TM9SF2: variants seen among roughly 807,000 people sequenced by gnomAD.
TM9SF2 encodes the protein transmembrane 9 superfamily member 2.
A neutral mutation model predicts 84.9 loss-of-function variants in TM9SF2; 13 were observed. The observed-to-expected ratio is 0.15, with a 90% CI of 0.10 to 0.24. The LOEUF is 0.24. Among genes scored for constraint, TM9SF2 ranks in the 10% least tolerant of loss-of-function variants. The pLI, the probability that TM9SF2 is intolerant of heterozygous loss-of-function variation, is 1.00. For synonymous variants in TM9SF2, 273 were observed against 285.8 expected, an observed-to-expected ratio of 0.96 and a Z score of 0.45; for missense variants, 562 against 818.5, an observed-to-expected ratio of 0.69 and a Z score of 3.82.
At position 99,555,658 on chromosome 13, in the gene TM9SF2, G is replaced by T; in HGVS notation, c.1752+11G>T. The T allele has an allele frequency of 3.2e-6, 5 of 1,569,796 alleles. No individual in the cohort carries two copies. The highest frequency in any genetic ancestry group is 4.4e-6 in the Non-Finnish European group (5 of 1,143,508). Reference sequence around the variant, plus strand: ...CACCTATGTGCAGAGGTATGTATTAGCAGTATTCACTTATGTTAATTTGTA... The same window carrying T: ...CACCTATGTGCAGAGGTATGTATTATCAGTATTCACTTATGTTAATTTGTA... On this transcript the variant is annotated intron_variant, in intron 15 of 16. Transcript: ENST00000376387.
chr13:99,528,388 A>G (rs901908499), intron 3 of TM9SF2, among the ~76,000 whole-genome samples: 2 of 152,220 alleles, frequency 1.3e-5, no homozygotes, highest in Non-Finnish European at 2.9e-5. Flanking sequence ...CTTGATATAT[A>G]CAAAGTACAT....
At chr13:99,525,776 C>T (rs1013762758) in intron 3 of TM9SF2, among the ~76,000 whole-genome samples, 11 of 151,388 alleles carry the variant, frequency 7.3e-5, no homozygotes, top group African/African-American at 2.4e-4. Context: ...AGGATGATCT[C>T]GATCTCCGGA....
chr13:99,522,103 C>T (rs1281057810), intron 3 of TM9SF2, among the ~76,000 whole-genome samples: 1 of 152,184 alleles, frequency 6.6e-6, no homozygotes, highest in Non-Finnish European at 1.5e-5. Flanking sequence ...TCACTGTAAC[C>T]TCCGCCTCCT....
Position 99,552,309 on chromosome 13 carries a change from T to G in TM9SF2, c.1471T>G (p.Phe491Val). ...SVPLTFIGAY[F>V]GFKKNAIEHP... ...GCCTCTGACGTTTATTGGTGCATAC[T>G]TTGGTTTTAAGAAGAATGTAAGTTT... is the stretch of plus-strand genomic sequence containing the variant. The change falls in exon 13 of 17, where the codon TTT becomes GTT. Residue 491 changes from phenylalanine (F) to valine (V), a missense_variant. Physicochemically the swap from Phe to Val is conservative, Grantham distance 50. Coordinates refer to ENST00000376387, the MANE Select transcript of TM9SF2 (RefSeq NM_004800.3). 1 of 1,613,336 alleles carries G rather than the reference T, an allele frequency of 6.2e-7. No homozygotes were observed. The highest frequency in any genetic ancestry group is 1.1e-5 in the South Asian group (1 of 90,792).
chr13:99,557,072 T>C (rs1038592384), intron 15 of TM9SF2, among the ~76,000 whole-genome samples: 1 of 152,224 alleles, frequency 6.6e-6, no homozygotes, highest in African/African-American at 2.4e-5. Flanking sequence ...CACTGGGTCA[T>C]ATGGTAGTTC....
intron 15 of TM9SF2, 80 bp downstream of exon 15, chr13:99,555,727 A>G (rs551891138): frequency 3.5e-6 from 3 of 859,990 alleles, no homozygotes; most frequent in South Asian, 4.1e-5. Flanking sequence ...TATTAATTAA[A>G]ATAATTTCTG....
intron 5 of TM9SF2, among the ~76,000 whole-genome samples, chr13:99,536,940 C>A (rs750358198): frequency 1.3e-5 from 2 of 152,086 alleles, no homozygotes; most frequent in African/African-American, 4.8e-5. Flanking sequence ...AGATTCAGTT[C>A]AACATTTACT....
Position 99,529,512 on chromosome 13 carries a change from A to G in TM9SF2, c.379A>G (p.Thr127Ala). ...KETCKLVCTK[T>A]YHTEKAEDKQ... ...GACCTGTAAGCTTGTTTGTACAAAAACATACCATACAGAGAAAGCTGAAGA... is the reference window on the plus strand; with the variant it reads ...GACCTGTAAGCTTGTTTGTACAAAAGCATACCATACAGAGAAAGCTGAAGA... The change falls in exon 4 of 17, where the codon ACA (threonine) becomes GCA (alanine). Residue 127 changes from threonine to alanine, a missense_variant. This residue lies in a region of TM9SF2 where 267 missense variants were observed against 316.7 expected (regional missense o/e 0.84). Coordinates refer to ENST00000376387, the MANE Select transcript of TM9SF2 (RefSeq NM_004800.3). 1 of 1,594,780 alleles carries G rather than the reference A, an allele frequency of 6.3e-7. No individual in the cohort carries two copies. The highest frequency in any genetic ancestry group is 8.5e-7 in the Non-Finnish European group (1 of 1,174,068).
chr13:99,561,115 T>A (rs2046343343), intron 16 of TM9SF2, among the ~76,000 whole-genome samples: 1 of 152,228 alleles, frequency 6.6e-6, no homozygotes, highest in Admixed American at 6.5e-5. Context: ...TTCAATTGTA[T>A]TTTTCCTTTA....
intron 4 of TM9SF2, among the ~76,000 whole-genome samples, chr13:99,531,380 T>C (rs1047362842): frequency 8.5e-5 from 13 of 152,210 alleles, no homozygotes; most frequent in African/African-American, 2.4e-4. Context: ...GTATATTAGA[T>C]CACATTGTTT....
intron 7 of TM9SF2, 77 bp downstream of exon 7, chr13:99,539,634 C>A: frequency 1.1e-6 from 1 of 945,516 alleles, no homozygotes; most frequent in Non-Finnish European, 1.7e-6. Context: ...TAAAATGTTA[C>A]TGATTATGCT....
intron 4 of TM9SF2, among the ~76,000 whole-genome samples, chr13:99,535,080 A>G (rs1258998081): frequency 2.0e-5 from 3 of 152,208 alleles, no homozygotes; most frequent in African/African-American, 4.8e-5. Flanking sequence ...TGAGCCTGGG[A>G]GGTTGAGGCT....
chr13:99,520,622 G>A (rs1292143137), intron 3 of TM9SF2, among the ~76,000 whole-genome samples: 2 of 152,148 alleles, frequency 1.3e-5, no homozygotes, highest in Admixed American at 1.3e-4. Context: ...AGGCTGCAGT[G>A]TAGTGGTGAG....
intron 10 of TM9SF2, among the ~76,000 whole-genome samples, chr13:99,546,342 G>A (rs2046282413): frequency 1.3e-5 from 2 of 152,138 alleles, no homozygotes; most frequent in Admixed American, 1.3e-4. Flanking sequence ...GAATTTCTAT[G>A]AATATAATAT....
chr13:99,556,802 G>A (rs1235596079), intron 15 of TM9SF2, among the ~76,000 whole-genome samples: 1 of 152,090 alleles, frequency 6.6e-6, no homozygotes, highest in Non-Finnish European at 1.5e-5. Context: ...TAGCCAGGAT[G>A]GTCTCGATCT....
chr13:99,517,544 A>G, intron 1 of TM9SF2, 70 bp from the exon 2 acceptor site: 11 of 1,017,022 alleles, frequency 1.1e-5, no homozygotes, highest in Non-Finnish European at 1.6e-5. Flanking sequence ...ATTCTTTTTT[A>G]ATTCTAAGCA....
intron 9 of TM9SF2, 140 bp from the exon 10 acceptor site, chr13:99,543,723 C>G: frequency 9.1e-7 from 1 of 1,094,740 alleles, no homozygotes; most frequent in Non-Finnish European, 1.3e-6. Context: ...CTGTATTCTT[C>G]AAAATTGAAA....
At chr13:99,546,912 G>A (rs2046285124) in intron 10 of TM9SF2, 73 bp from the exon 11 acceptor site, 1 of 1,590,328 alleles carries the variant, frequency 6.3e-7, no homozygotes, top group Admixed American at 1.7e-5. Flanking sequence ...AAAAATGAGA[G>A]GGTTTCTCTA....
intron 1 of TM9SF2, among the ~76,000 whole-genome samples, chr13:99,506,422 G>A (rs1039183213): frequency 1.3e-5 from 2 of 152,198 alleles, no homozygotes; most frequent in Non-Finnish European, 2.9e-5. Context: ...TTTGGGTGTT[G>A]CTCTTTCAAA....
Sources: gnomAD v4.1 joint callset for allele counts (sites outside exome capture counted in the v4.1 genomes callset) on GRCh38, gnomAD v4.1.1 for gene constraint, gnomAD v4.1.1 regional missense constraint, MANE v1.5 for transcripts, NCBI Gene and HGNC (gene_info 2026-07-23, HGNC 2026-07-21) for gene names.